Variants in BANK1 observed in about 807,000 individuals in gnomAD.
BANK1 encodes B cell scaffold protein with ankyrin repeats 1.
A neutral mutation model predicts 94.5 loss-of-function variants in BANK1; 95 were observed. The observed-to-expected ratio is 1.00, with a 90% CI of 0.85 to 1.19. The LOEUF is 1.19. Ranked by LOEUF, BANK1 falls within the 50% of genes most tolerant of loss-of-function variation. BANK1 has a pLI of 0.00. For synonymous variants in BANK1, 334 were observed against 308.4 expected (o/e 1.08, Z -0.87); for missense variants, 987 against 932.2 (o/e 1.06, Z -0.77).
At chr4:101,932,032 T>C (rs191462437) in intron 7 of BANK1, among the ~76,000 whole-genome samples, 2 of 151,520 alleles carry the variant, frequency 1.3e-5, no homozygotes, top group East Asian at 3.9e-4. Flanking sequence ...TGTGGTAATT[T>C]TCAAGTACTT....
At chr4:101,853,494 G>A (rs933481189) in intron 2 of BANK1, among the ~76,000 whole-genome samples, 12 of 151,866 alleles carry the variant, frequency 7.9e-5, no homozygotes, top group Non-Finnish European at 1.6e-4. Context: ...TTTTTTTCTT[G>A]TTGCAATAAA....
chr4:101,920,562 A>G (rs1270416154), intron 7 of BANK1, among the ~76,000 whole-genome samples: 1 of 151,856 alleles, frequency 6.6e-6, no homozygotes, highest in African/African-American at 2.4e-5. Flanking sequence ...ATGCATTCAA[A>G]TTTTTCATGA....
chr4:102,002,744 G>A (rs1163626156), intron 7 of BANK1, among the ~76,000 whole-genome samples: 1 of 152,108 alleles, frequency 6.6e-6, no homozygotes, highest in African/African-American at 2.4e-5. Flanking sequence ...CAAATTCAGG[G>A]AAACTATTCA....
chr4:101,795,678 A>G (rs1725131482), intron 1 of BANK1, among the ~76,000 whole-genome samples: 1 of 152,162 alleles, frequency 6.6e-6, no homozygotes, highest in African/African-American at 2.4e-5. Context: ...TTGAGGCAAA[A>G]TCTACTCTGG....
chr4:101,865,435 G>A (rs531709638), intron 4 of BANK1, among the ~76,000 whole-genome samples: 1 of 152,186 alleles, frequency 6.6e-6, no homozygotes, highest in East Asian at 1.9e-4. Flanking sequence ...TTACAATGAA[G>A]ATCTGAGAAA....
chr4:101,819,148 C>T (rs778158702), intron 1 of BANK1, among the ~76,000 whole-genome samples: 2 of 151,940 alleles, frequency 1.3e-5, no homozygotes, highest in Non-Finnish European at 2.9e-5. Flanking sequence ...CCAAAAAATA[C>T]CATGGTGGTA....
chr4:102,072,205 A>G, intron 14 of BANK1, 140 bp from the exon 15 acceptor site: 2 of 698,196 alleles, frequency 2.9e-6, no homozygotes, highest in South Asian at 3.9e-5. Flanking sequence ...CCTTTTCGGT[A>G]TCCCCCTTTT....
At chr4:101,817,207 A>G (rs571303930) in intron 1 of BANK1, among the ~76,000 whole-genome samples, 2 of 152,274 alleles carry the variant, frequency 1.3e-5, no homozygotes, top group Admixed American at 6.5e-5. Flanking sequence ...AAATTGTTCT[A>G]TTATAAAGAC....
intron 7 of BANK1, among the ~76,000 whole-genome samples, chr4:101,971,331 G>A (rs1724945186): frequency 6.6e-6 from 1 of 152,100 alleles, no homozygotes; most frequent in South Asian, 2.1e-4. Context: ...AATCTATTTG[G>A]TGGAAATTCT....
In BANK1 at chr4:102,018,881, C is replaced by A. The variant is rs187574464; in HGVS notation, c.1207-2633C>A. Among the ~76,000 whole-genome samples, 947 of 146,350 alleles carry A rather than the reference C, an allele frequency of 6.5e-3. 8 individuals carry two copies. The highest frequency in any genetic ancestry group is 0.023 in the African/African-American group (877 of 38,918). ...TCGGCCAGGCTGGAGTGCAGTGGTGCGATCTCGGCTCACTGCAACCTCTGC... is the reference window on the plus strand; with the variant it reads ...TCGGCCAGGCTGGAGTGCAGTGGTGAGATCTCGGCTCACTGCAACCTCTGC... On this transcript the variant is annotated intron_variant, in intron 7 of 16. Transcript: ENST00000322953.
intron 2 of BANK1, among the ~76,000 whole-genome samples, chr4:101,852,501 TATAC>T (rs1314125227): frequency 0.019 from 2,258 of 119,470 alleles, 35 homozygotes; most frequent in East Asian, 0.092. Flanking sequence ...TATATATATA[TATAC>T]ACACACACAT....
chr4:101,798,712 T>C (rs1325790460), intron 1 of BANK1, among the ~76,000 whole-genome samples: 1 of 152,226 alleles, frequency 6.6e-6, no homozygotes, highest in Non-Finnish European at 1.5e-5. Flanking sequence ...TGATGGCCAA[T>C]GATGATGAGC....
intron 4 of BANK1, among the ~76,000 whole-genome samples, chr4:101,865,546 C>T (rs1728037250): frequency 6.6e-6 from 1 of 152,096 alleles, no homozygotes. Context: ...GAAGAAAACA[C>T]CTCACCAGAG....
intron 2 of BANK1, among the ~76,000 whole-genome samples, chr4:101,853,229 G>T (rs1246250042): frequency 6.6e-6 from 1 of 152,220 alleles, no homozygotes; most frequent in Non-Finnish European, 1.5e-5. Flanking sequence ...TAAGACAGAA[G>T]AAAACAAGAA....
intron 7 of BANK1, among the ~76,000 whole-genome samples, chr4:101,972,092 TA>T (rs1724977942): frequency 6.6e-6 from 1 of 152,120 alleles, no homozygotes; most frequent in Non-Finnish European, 1.5e-5. Flanking sequence ...ATTTTAACAA[TA>T]TTAATTATTT....
intron 7 of BANK1, 74 bp downstream of exon 7, chr4:101,918,263 C>T (rs1722894154): frequency 1.9e-6 from 2 of 1,048,952 alleles, no homozygotes; most frequent in Non-Finnish European, 2.6e-6. Flanking sequence ...GAAGAAAAAA[C>T]CTATTACCTT....
chr4:102,031,416 T>C (rs1231835104), intron 10 of BANK1, among the ~76,000 whole-genome samples: 3 of 152,248 alleles, frequency 2.0e-5, no homozygotes, highest in Non-Finnish European at 1.5e-5. Flanking sequence ...ATAGTTTCTT[T>C]TGCTGTGCAG....
intron 11 of BANK1, among the ~76,000 whole-genome samples, chr4:102,055,360 G>T (rs1324279209): frequency 6.6e-6 from 1 of 151,918 alleles, no homozygotes. Flanking sequence ...AATAGAAAGA[G>T]AATAATTTCT....
intron 5 of BANK1, among the ~76,000 whole-genome samples, chr4:101,874,560 T>C (rs991353098): frequency 3.3e-5 from 5 of 152,184 alleles, no homozygotes; most frequent in Admixed American, 2.6e-4. Flanking sequence ...CATACATCAG[T>C]GTTATCTAAG....
Sources: allele counts gnomAD v4.1 joint callset (sites outside exome capture counted in the v4.1 genomes callset), GRCh38; gene constraint gnomAD v4.1.1; transcripts MANE v1.5; gene names NCBI Gene and HGNC (gene_info 2026-07-23, HGNC 2026-07-21).